DIP2C: variants seen among roughly 807,000 people sequenced by gnomAD.
DIP2C encodes disco-interacting protein 2 homolog C.
In DIP2C, 33 loss-of-function variants were observed where a neutral mutation model predicts 192.4. The observed-to-expected ratio is 0.17, with a 90% CI of 0.13 to 0.23. The LOEUF (loss-of-function observed/expected upper bound fraction) is 0.23, where lower values mean the gene tolerates loss of function less well. DIP2C is among the 10% of genes least tolerant of loss of function. The pLI is 1.00. For synonymous variants in DIP2C, 979 were observed against 864.1 expected (o/e 1.13, Z -2.33); for missense variants, 1,537 against 2,110.1 (o/e 0.73, Z 5.32).
chr10:485,210 T>C (rs964317403), intron 2 of DIP2C, among the ~76,000 whole-genome samples: 4 of 152,178 alleles, frequency 2.6e-5, no homozygotes, highest in Admixed American at 1.3e-4. Flanking sequence ...ACCAACAGCG[T>C]CCGTGGCCTA....
chr10:339,204 T>A (rs1265608613), intron 29 of DIP2C, among the ~76,000 whole-genome samples: 1 of 152,188 alleles, frequency 6.6e-6, no homozygotes. Flanking sequence ...ACTTATGTAT[T>A]AGTCATTGTG....
chr10:596,101 A>G (rs1052284473), intron 1 of DIP2C, among the ~76,000 whole-genome samples: 1 of 152,144 alleles, frequency 6.6e-6, no homozygotes, highest in African/African-American at 2.4e-5. Flanking sequence ...CGGCTAAAGG[A>G]CCTTTTTTAA....
intron 2 of DIP2C, among the ~76,000 whole-genome samples, chr10:479,213 A>G (rs1843401211): frequency 6.6e-6 from 1 of 152,176 alleles, no homozygotes; most frequent in African/African-American, 2.4e-5. Flanking sequence ...TGTTGTAAAC[A>G]CTGGTAAGAA....
chr10:343,774 G>C (rs550438885), intron 28 of DIP2C, among the ~76,000 whole-genome samples: 1 of 152,192 alleles, frequency 6.6e-6, no homozygotes, highest in Non-Finnish European at 1.5e-5. Context: ...ACTATTTCTA[G>C]GTGGAGAATT....
chr10:474,748 C>T (rs1194488400), intron 2 of DIP2C, among the ~76,000 whole-genome samples: 5 of 152,220 alleles, frequency 3.3e-5, no homozygotes, highest in South Asian at 2.1e-4. Flanking sequence ...CGCCTAGATA[C>T]GGACTTCTGG....
intron 1 of DIP2C, among the ~76,000 whole-genome samples, chr10:657,103 C>T (rs1856391594): frequency 1.3e-5 from 2 of 151,674 alleles, no homozygotes; most frequent in Admixed American, 1.3e-4. Context: ...GACACTGGAC[C>T]TGCCCCCGGA....
rs143372266 is a variant in DIP2C at position 654,404 on chromosome 10, T to C, written c.85+35090A>G. On this transcript the variant is annotated intron_variant, in intron 1 of 36. Coordinates refer to ENST00000280886, the MANE Select transcript of DIP2C (RefSeq NM_014974.3). Reference sequence around the variant, plus strand: ...AATATGCACGGCTTTCCAATTTTGTTAAAATGAAACCCAGCCTTTGAAAAG... The same window carrying C: ...AATATGCACGGCTTTCCAATTTTGTCAAAATGAAACCCAGCCTTTGAAAAG... 1.8e-4 allele frequency among the ~76,000 whole-genome samples: 27 copies of C among 152,274 alleles called. No homozygotes were observed. In the East Asian group the frequency reaches 4.4e-3, roughly 25 times the overall value.
chr10:352,664 G>T (rs550773779), intron 24 of DIP2C, among the ~76,000 whole-genome samples: 9 of 152,308 alleles, frequency 5.9e-5, no homozygotes, highest in Non-Finnish European at 1.3e-4. Flanking sequence ...AAAGGACGAG[G>T]TGAGTGAACA....
rs1194728801 is a variant in DIP2C, at chr10:367,416, GAAA to G, written c.2132-1008_2132-1006del. ...TGGGCGACAGCGAGACTCCGTCTCA[GAAA>G]AAAAAAAAAAAAAAGTTCACATTAA... On this transcript the variant is annotated intron_variant, in intron 18 of 36. Coordinates refer to ENST00000280886, the MANE Select transcript of DIP2C (RefSeq NM_014974.3). Among the ~76,000 whole-genome samples the G allele has an allele frequency of 3.7e-5, 4 of 109,270 alleles. No individual in the cohort carries two copies. The South Asian group carries it at 9.0e-4, about 25-fold the overall frequency. 71.7% of individuals were successfully genotyped at this position (109,270 alleles called of 152,430 possible).
intron 1 of DIP2C, among the ~76,000 whole-genome samples, chr10:598,435 AACCG>A (rs1851847539): frequency 1.3e-5 from 2 of 152,192 alleles, no homozygotes; most frequent in Non-Finnish European, 2.9e-5. Flanking sequence ...CAGCCCACAA[AACCG>A]ACATGCAATC....
At chr10:329,746 G>A in intron 29 of DIP2C, 145 bp from the exon 30 acceptor site, 1 of 1,029,456 alleles carries the variant, frequency 9.7e-7, no homozygotes, top group South Asian at 1.7e-5. Flanking sequence ...GCACAGTAAA[G>A]CCAACGCTGC....
chr10:430,558 T>C (rs1318610284), intron 4 of DIP2C: 2 of 152,240 alleles, frequency 1.3e-5, no homozygotes, highest in African/African-American at 4.8e-5. Flanking sequence ...TTTTAAGAGT[T>C]CCTTGTATAT....
intron 16 of DIP2C, 53 bp downstream of exon 16, chr10:383,974 A>C: frequency 7.0e-7 from 1 of 1,426,606 alleles, no homozygotes; most frequent in African/African-American, 1.5e-5. Context: ...AAAAAAAAAA[A>C]AAAAAGACTC....
intron 1 of DIP2C, among the ~76,000 whole-genome samples, chr10:678,971 C>A (rs1243451208): frequency 2.0e-4 from 2 of 9,854 alleles, no homozygotes; most frequent in African/African-American, 3.2e-4. Flanking sequence ...ATGCTCCTCA[C>A]ACCCGTGCTC....
chr10:503,524 C>T (rs916866241), intron 1 of DIP2C, among the ~76,000 whole-genome samples: 1 of 152,186 alleles, frequency 6.6e-6, no homozygotes. Context: ...TTAAAGCTGG[C>T]GGAAAACCAT....
intron 29 of DIP2C, among the ~76,000 whole-genome samples, chr10:336,845 T>A (rs1048931105): frequency 6.0e-5 from 9 of 148,864 alleles, no homozygotes; most frequent in African/African-American, 2.0e-4. Context: ...TGTGTGTGTG[T>A]TGTGGAGGCC....
At chr10:543,343 G>A (rs555844785) in intron 1 of DIP2C, among the ~76,000 whole-genome samples, 1 of 152,368 alleles carries the variant, frequency 6.6e-6, no homozygotes, top group Admixed American at 6.5e-5. Context: ...ACACCACACA[G>A]AAATGGGTAA....
intron 31 of DIP2C, among the ~76,000 whole-genome samples, chr10:319,834 G>A (rs141954428): frequency 1.3e-5 from 2 of 152,114 alleles, no homozygotes; most frequent in African/African-American, 4.8e-5. Context: ...TCCTAGCTTT[G>A]TCAATTAGGA....
chr10:389,934 G>A (rs1019198619), intron 13 of DIP2C, 57 bp downstream of exon 13: 23 of 1,386,760 alleles, frequency 1.7e-5, no homozygotes, highest in Admixed American at 5.8e-5. Context: ...TGTGGCCTTC[G>A]TGTCAGGTGT....
Sources: allele counts gnomAD v4.1 joint callset (sites outside exome capture counted in the v4.1 genomes callset), GRCh38; gene constraint gnomAD v4.1.1; transcripts MANE v1.5; gene names NCBI Gene and HGNC (gene_info 2026-07-23, HGNC 2026-07-21).